CEP295NL: variants seen among roughly 807,000 people sequenced by gnomAD.
The protein encoded by CEP295NL is CEP295 N-terminal like.
CEP295NL carries 3 observed loss-of-function variants against 4.6 expected under a neutral mutation model. The observed-to-expected ratio is 0.65, with a 90% CI of 0.30 to 1.69. The LOEUF is 1.69. CEP295NL is among the 40% of genes most tolerant of loss of function. The pLI, the probability that CEP295NL is intolerant of heterozygous loss-of-function variation, is 0.10. For missense variants in CEP295NL, 719 were observed against 769.0 expected, an observed-to-expected ratio of 0.93 and a Z score of 0.77; for synonymous variants, 295 against 312.2, an observed-to-expected ratio of 0.94 and a Z score of 0.58.
chr17:78,891,692 T>G lies in CEP295NL; in HGVS notation c.812A>C (p.Lys271Thr). Residue 271 changes from lysine to threonine, a missense_variant, in exon 3 of 3, where the codon AAA (lysine) becomes ACA (threonine). Physicochemically the swap from Lys to Thr is moderately conservative, Grantham distance 78. Transcript: ENST00000322630. This position sits in a 1 kb window ranked among gnomAD's most constrained non-coding sequence, Gnocchi z 4.5. The stretch of plus-strand genomic sequence containing the variant: ...CCTCCTCCCCGCCCGAGCTGTTCCT[T>G]TCTCTTTTTCCTCCACAAGCCCGAT... ...GEIGLVEEKEKGTARAGRRQL... is the reference protein window; with the variant it reads ...GEIGLVEEKETGTARAGRRQL... The G allele has an allele frequency of 6.4e-7, 1 of 1,551,076 alleles. No individual in the cohort carries two copies. The highest frequency in any genetic ancestry group is 8.7e-7 in the Non-Finnish European group (1 of 1,147,102).
intron 2 of CEP295NL, among the ~76,000 whole-genome samples, chr17:78,895,078 C>T (rs148593145): frequency 0.025 from 3,815 of 152,074 alleles, 143 homozygotes; most frequent in African/African-American, 0.087. Flanking sequence ...GTCAGGAGTT[C>T]GAAAGCAGCC....
At position 78,891,799 on chromosome 17, in the gene CEP295NL, A is replaced by G. The variant is rs746995895; in HGVS notation, c.705T>C (p.Gly235=). ...GRPEPSTKSG[G]GRCAIHPRRS... ...TCCGAGGATGGATGGCACAGCGGCCACCCCCAGACTTGGTCGAAGGTTCTG... is the reference window on the plus strand; with the variant it reads ...TCCGAGGATGGATGGCACAGCGGCCGCCCCCAGACTTGGTCGAAGGTTCTG... The change falls in exon 3 of 3, where the codon GGT becomes GGC. Residue 235 remains glycine (G), a synonymous_variant. Transcript: ENST00000322630. This position sits in a 1 kb window ranked among gnomAD's most constrained non-coding sequence, Gnocchi z 4.5. 1.3e-6 allele frequency: 2 copies of G among 1,550,870 alleles called. No individual in the cohort carries two copies. Among genetic ancestry groups the G allele is most frequent in the South Asian group, 2.4e-5 (2 of 84,056 alleles).
chr17:78,893,142 C>T (rs543128563), intron 2 of CEP295NL, among the ~76,000 whole-genome samples: 28 of 132,092 alleles, frequency 2.1e-4, no homozygotes, highest in Admixed American at 3.0e-4. Context: ...GGTGTGTGTG[C>T]GTACATGTGT....
intron 2 of CEP295NL, among the ~76,000 whole-genome samples, 197 bp downstream of exon 2, chr17:78,901,588 G>C (rs1352400178): frequency 2.0e-5 from 3 of 152,140 alleles, no homozygotes; most frequent in Non-Finnish European, 4.4e-5. Flanking sequence ...TGTTTGCAAA[G>C]GATAGAAAAG....
intron 1 of CEP295NL, 73 bp from the exon 2 acceptor site, chr17:78,901,999 A>G (rs2070100699): frequency 3.4e-6 from 2 of 582,018 alleles, no homozygotes; most frequent in African/African-American, 1.9e-5. Flanking sequence ...TCTGAGTTCT[A>G]GCCTCTAAAA....
intron 2 of CEP295NL, chr17:78,900,922 C>A (rs2070081336): frequency 6.6e-6 from 1 of 152,308 alleles, no homozygotes; most frequent in African/African-American, 2.4e-5. Flanking sequence ...AACAGAAACG[C>A]CTCTAACATG....
chr17:78,898,487 G>A (rs1300495674), intron 2 of CEP295NL: 2 of 152,578 alleles, frequency 1.3e-5, no homozygotes. Context: ...TGACAGGTGT[G>A]CTGAGCTTCT....
chr17:78,898,253 G>C (rs2070034224), intron 2 of CEP295NL: 1 of 152,254 alleles, frequency 6.6e-6, no homozygotes, highest in Non-Finnish European at 1.5e-5. Context: ...CAATCTGACA[G>C]GGAAATTGAG....
At chr17:78,902,427 G>A (rs760080598) in intron 1 of CEP295NL, among the ~76,000 whole-genome samples, 7 of 152,222 alleles carry the variant, frequency 4.6e-5, no homozygotes, top group Non-Finnish European at 8.8e-5. Flanking sequence ...TTTTGGACTG[G>A]CTGTGTTAGC....
At chr17:78,901,950 A>C in intron 1 of CEP295NL, 24 bp from the exon 2 acceptor site, 1 of 598,380 alleles carries the variant, frequency 1.7e-6, no homozygotes, top group Non-Finnish European at 3.1e-6. Flanking sequence ...AACCAAGCCC[A>C]GATAAAACAA....
At chr17:78,892,609 C>A (rs1487834031) in intron 2 of CEP295NL, 150 bp from the exon 3 acceptor site, 60 of 1,196,664 alleles carry the variant, frequency 5.0e-5, no homozygotes, top group Middle Eastern at 5.8e-4. Context: ...CACCAGGGCC[C>A]ACTCTCAGCC....
rs140599940 is a variant in CEP295NL, at chr17:78,891,995, T to G, written c.509A>C (p.His170Pro). The change falls in exon 3 of 3, where the codon CAT (histidine) becomes CCT (proline). Residue 170 changes from histidine to proline, a missense_variant. By Grantham distance (77) the His-to-Pro change is moderately conservative. Coordinates refer to ENST00000322630, the MANE Select transcript of CEP295NL (RefSeq NM_001243540.2). The surrounding 1 kb of genome is among the most constrained non-coding windows in gnomAD (Gnocchi z 4.5). Reference sequence around the variant, plus strand: ...CCTCTCTTCACTAAGGGCTGCTCTATGCTTCTCCTTGGCCCTCGGGGGCCT... The same window carrying G: ...CCTCTCTTCACTAAGGGCTGCTCTAGGCTTCTCCTTGGCCCTCGGGGGCCT... The part of the protein sequence containing the change: ...SARPPRAKEK[H>P]RAALSEERSC... The G allele has an allele frequency of 9.2e-4, 1,420 of 1,550,698 alleles. 15 individuals are homozygous for G. In the African/African-American group the frequency reaches 0.016, roughly 17 times the overall value.
At chr17:78,902,967 C>T (rs530599500) in intron 1 of CEP295NL, among the ~76,000 whole-genome samples, 167 bp downstream of exon 1, 5 of 152,222 alleles carry the variant, frequency 3.3e-5, no homozygotes, top group Non-Finnish European at 7.3e-5. Flanking sequence ...GGGACTTTGC[C>T]GCTGGCCTTG....
Position 78,891,729 on chromosome 17 carries a change from C to T in CEP295NL, c.775G>A (p.Ala259Thr). The T allele has an allele frequency of 6.4e-7, 1 of 1,551,260 alleles. No individual in the cohort carries two copies. Among genetic ancestry groups the T allele is most frequent in the Non-Finnish European group, 8.7e-7 (1 of 1,147,146 alleles). ...TCCACAAGCCCGATTTCTCCCACAG[C>T]AGCCACGAGTGGGTTTGACCTTTCT... ...DLERSNPLVA[A>T]VGEIGLVEEK... Residue 259 changes from alanine to threonine, a missense_variant, in exon 3 of 3, where the codon GCT becomes ACT. Ala to Thr is a moderately conservative substitution (Grantham distance 58). Transcript: ENST00000322630. The surrounding 1 kb of genome is among the most constrained non-coding windows in gnomAD (Gnocchi z 4.5).
chr17:78,895,052 G>A (rs1157882134), intron 2 of CEP295NL, among the ~76,000 whole-genome samples: 1 of 152,242 alleles, frequency 6.6e-6, no homozygotes, highest in Non-Finnish European at 1.5e-5. Flanking sequence ...AGGCTGAGGC[G>A]GGCGGATCAC....
intron 2 of CEP295NL, chr17:78,898,376 G>C (rs545773590): frequency 6.6e-6 from 1 of 152,370 alleles, no homozygotes; most frequent in South Asian, 2.1e-4. Context: ...TGCTGCCCAG[G>C]GAGGTCAGAG....
rs1451171562 is a variant in CEP295NL at position 78,891,618 on chromosome 17, A to G, written c.886T>C (p.Ser296Pro). ...VCFVPALTSR[S>P]QGQSLEGKLR... ...TTCCCCTCCAGACTCTGTCCCTGAGAGCGACTGGTCAGGGCTGGAACAAAG... is the reference window on the plus strand; with the variant it reads ...TTCCCCTCCAGACTCTGTCCCTGAGGGCGACTGGTCAGGGCTGGAACAAAG... Residue 296 changes from serine (S) to proline (P), a missense_variant, in exon 3 of 3, where the codon TCT (serine) becomes CCT (proline). Transcript: ENST00000322630. This position sits in a 1 kb window ranked among gnomAD's most constrained non-coding sequence, Gnocchi z 4.5. The G allele has an allele frequency of 6.4e-7, 1 of 1,550,834 alleles. No homozygotes were observed. Among genetic ancestry groups the G allele is most frequent in the South Asian group, 1.2e-5 (1 of 84,062 alleles).
intron 2 of CEP295NL, among the ~76,000 whole-genome samples, chr17:78,892,781 C>T (rs1025570881): frequency 3.9e-5 from 6 of 152,114 alleles, no homozygotes; most frequent in South Asian, 2.1e-4. Flanking sequence ...TGGGTGGAGG[C>T]GAGGGAGGCT....
At chr17:78,893,081 G>A (rs910548454) in intron 2 of CEP295NL, among the ~76,000 whole-genome samples, 2 of 151,718 alleles carry the variant, frequency 1.3e-5, no homozygotes, top group Non-Finnish European at 2.9e-5. Context: ...GTGTGTGCAC[G>A]CGTGTGCAGG....
Sources: allele counts gnomAD v4.1 joint callset (sites outside exome capture counted in the v4.1 genomes callset), GRCh38; gene constraint gnomAD v4.1.1; non-coding constraint Gnocchi (gnomAD v3.1); transcripts MANE v1.5; gene names NCBI Gene and HGNC (gene_info 2026-07-23, HGNC 2026-07-21).